Variants in DLD observed in about 807,000 individuals in gnomAD.
DLD encodes the protein dihydrolipoyl dehydrogenase, mitochondrial.
Under a neutral mutation model 62.2 loss-of-function variants are expected in DLD, and 36 were observed. The observed-to-expected ratio is 0.58, with a 90% confidence interval of 0.44 to 0.76. The LOEUF (loss-of-function observed/expected upper bound fraction) is 0.76. DLD is among the 30% of genes least tolerant of loss of function. DLD has a pLI of 0.00. For synonymous variants in DLD, 204 were observed against 199.6 expected (o/e 1.02, Z -0.19); for missense variants, 541 against 608.6 (o/e 0.89, Z 1.17).
intron 8 of DLD, among the ~76,000 whole-genome samples, chr7:107,914,215 A>G (rs1043335310): frequency 1.3e-5 from 2 of 151,928 alleles, no homozygotes; most frequent in Non-Finnish European, 2.9e-5. Context: ...CTCTTCAGAC[A>G]TTTGTCCATT....
chr7:107,895,149 T>G (rs1484279066), intron 2 of DLD, among the ~76,000 whole-genome samples: 1 of 152,218 alleles, frequency 6.6e-6, no homozygotes, highest in East Asian at 1.9e-4. Context: ...ACAGATTTAA[T>G]CCTCATGGCC....
intron 8 of DLD, among the ~76,000 whole-genome samples, chr7:107,913,632 G>T (rs2032195952): frequency 1.3e-5 from 2 of 151,666 alleles, no homozygotes; most frequent in Admixed American, 1.3e-4. Flanking sequence ...GTTTTTTGGT[G>T]GAGTCTTTAG....
At chr7:107,917,551 A>C (rs2032299756) in intron 11 of DLD, 89 bp downstream of exon 11, 3 of 1,244,094 alleles carry the variant, frequency 2.4e-6, no homozygotes, top group African/African-American at 1.5e-5. Context: ...TCATTATGCT[A>C]ATATATTTAA....
intron 8 of DLD, among the ~76,000 whole-genome samples, chr7:107,911,894 C>T (rs1267535991): frequency 6.6e-6 from 1 of 151,966 alleles, no homozygotes; most frequent in Non-Finnish European, 1.5e-5. Context: ...TACCTATAGT[C>T]AACCCTGCAT....
Position 107,917,931 on chromosome 7 carries a change from A to G in DLD, c.1244A>G (p.Glu415Gly). The change falls in exon 12 of 14, where the codon GAG becomes GGG. Residue 415 changes from glutamate to glycine, a missense_variant. Glu to Gly is a moderately conservative substitution (Grantham distance 98). Coordinates refer to ENST00000205402, the MANE Select transcript of DLD (RefSeq NM_000108.5). The stretch of plus-strand genomic sequence containing the variant: ...TTTTTCTGACTGTCACAGGGTATTG[A>G]GTACAAAGTTGGGAAATTCCCATTT... ...SEEQLKEEGI[E>G]YKVGKFPFAA... 1 of 1,614,060 alleles carries G rather than the reference A, an allele frequency of 6.2e-7. No homozygotes were observed. Among genetic ancestry groups the G allele is most frequent in the South Asian group, 1.1e-5 (1 of 91,086 alleles).
At chr7:107,903,573 A>T (rs1468073168) in intron 5 of DLD, 26 bp downstream of exon 5, 1 of 1,385,880 alleles carries the variant, frequency 7.2e-7, no homozygotes, top group Admixed American at 1.7e-5. Context: ...ATGCTTAATG[A>T]TATTACCAGA....
At chr7:107,891,482 G>A in intron 1 of DLD, 193 bp downstream of exon 1, 1 of 670,256 alleles carries the variant, frequency 1.5e-6, no homozygotes, top group East Asian at 2.7e-5. Context: ...CAGCAGGCGA[G>A]GGACGGGGCT....
intron 7 of DLD, 26 bp from the exon 8 acceptor site, chr7:107,906,241 G>A: frequency 7.0e-7 from 1 of 1,430,010 alleles, no homozygotes; most frequent in Non-Finnish European, 9.9e-7. Context: ...AAATTATTTT[G>A]ATTATATCTT....
In DLD at chr7:107,893,232, A is replaced by G. The variant is rs769445579; in HGVS notation, c.72A>G (p.Leu24=). Reference sequence around the variant, plus strand: ...ATTTCAATCGAATATCTCATGGCCTACAGGGACTTTCTGCAGTGCCTCTGA... The same window carrying G: ...ATTTCAATCGAATATCTCATGGCCTGCAGGGACTTTCTGCAGTGCCTCTGA... ...RGHFNRISHG[L]QGLSAVPLRT... Residue 24 remains leucine, a synonymous_variant, in exon 2 of 14, where the codon CTA becomes CTG. Coordinates refer to ENST00000205402, the MANE Select transcript of DLD (RefSeq NM_000108.5). 1.4e-5 allele frequency: 23 copies of G among 1,613,732 alleles called. No individual in the cohort carries two copies. Among genetic ancestry groups the G allele is most frequent in the Non-Finnish European group, 1.9e-5 (22 of 1,179,806 alleles).
chr7:107,911,604 T>C (rs1242776602), intron 8 of DLD, among the ~76,000 whole-genome samples: 1 of 152,148 alleles, frequency 6.6e-6, no homozygotes, highest in Non-Finnish European at 1.5e-5. Context: ...TTTTTGTTGC[T>C]CTGCTTTTCC....
chr7:107,903,487 A>G lies in DLD; in HGVS notation c.277A>G (p.Asn93Asp). 1.3e-6 allele frequency: 2 copies of G among 1,582,972 alleles called. No individual in the cohort carries two copies. Residue 93 changes from asparagine (N) to aspartate (D), a missense_variant, in exon 5 of 14, where the codon AAC (asparagine) becomes GAC (aspartate). Coordinates refer to ENST00000205402, the MANE Select transcript of DLD (RefSeq NM_000108.5). ...TTTTAATTTCCTTTAGGCTTTATTG[A>G]ACAACTCTCATTATTACCATATGGC... ...VGCIPSKALL[N>D]NSHYYHMAHG...
intron 2 of DLD, among the ~76,000 whole-genome samples, chr7:107,895,871 T>C (rs2031708208): frequency 1.3e-5 from 2 of 152,204 alleles, no homozygotes; most frequent in Non-Finnish European, 2.9e-5. Flanking sequence ...ATGTCATTTA[T>C]ATATACACAC....
At chr7:107,905,125 A>G in intron 6 of DLD, 67 bp downstream of exon 6, 1 of 1,212,470 alleles carries the variant, frequency 8.2e-7, no homozygotes, top group Non-Finnish European at 1.2e-6. Context: ...TTATAGAGTG[A>G]TGATATTTGA....
intron 9 of DLD, among the ~76,000 whole-genome samples, chr7:107,916,334 G>T (rs1033935238): frequency 4.6e-5 from 7 of 152,028 alleles, no homozygotes; most frequent in African/African-American, 1.7e-4. Flanking sequence ...CTCTTTCATT[G>T]TCTGACTCTT....
chr7:107,917,833 A>G, intron 11 of DLD, 91 bp from the exon 12 acceptor site: 3 of 1,542,894 alleles, frequency 1.9e-6, no homozygotes, highest in Non-Finnish European at 2.7e-6. Context: ...CCTTCTTGGG[A>G]TTTATTTTCT....
At chr7:107,902,915 G>A (rs1164078985) in intron 4 of DLD, among the ~76,000 whole-genome samples, 1 of 152,088 alleles carries the variant, frequency 6.6e-6, no homozygotes, top group Non-Finnish European at 1.5e-5. Context: ...ACTATTCCAT[G>A]TAGAGAATGC....
At chr7:107,908,473 GC>G (rs1211002224) in intron 8 of DLD, among the ~76,000 whole-genome samples, 2 of 151,876 alleles carry the variant, frequency 1.3e-5, no homozygotes, top group African/African-American at 4.8e-5. Flanking sequence ...TTTGAGACTA[GC>G]CTGGGCAACA....
intron 1 of DLD, among the ~76,000 whole-genome samples, chr7:107,892,271 A>C (rs1418048640): frequency 2.0e-5 from 3 of 152,190 alleles, no homozygotes; most frequent in Non-Finnish European, 4.4e-5. Flanking sequence ...AGCCGTCCAC[A>C]TATAGAGATT....
chr7:107,908,991 G>A (rs952006465), intron 8 of DLD, among the ~76,000 whole-genome samples: 1 of 152,154 alleles, frequency 6.6e-6, no homozygotes, highest in African/African-American at 2.4e-5. Flanking sequence ...TGTCTAGTCC[G>A]TTAAGAAAAC....
Sources: gnomAD v4.1 joint callset for allele counts (sites outside exome capture counted in the v4.1 genomes callset) on GRCh38, gnomAD v4.1.1 for gene constraint, MANE v1.5 for transcripts, NCBI Gene and HGNC (gene_info 2026-07-23, HGNC 2026-07-21) for gene names.